Variants in SULF1 observed in about 807,000 individuals in gnomAD.
The protein encoded by SULF1 is extracellular sulfatase Sulf-1.
A neutral mutation model predicts 110.5 loss-of-function variants in SULF1; 46 were observed. The observed-to-expected ratio is 0.42, with a 90% CI of 0.33 to 0.53. The LOEUF is 0.53. Among genes scored for constraint, SULF1 ranks in the 20% least tolerant of loss-of-function variants. The probability of loss-of-function intolerance (pLI) is 0.12; values close to 1 mark genes in which losing one functional copy is unlikely to be tolerated. For missense variants in SULF1, 941 were observed against 1,094.2 expected (o/e 0.86, Z 1.98); for synonymous variants, 371 against 387.1 (o/e 0.96, Z 0.49).
upstream of SULF1, among the ~76,000 whole-genome samples, chr8:69,489,504 T>TA (rs937093124): frequency 6.3e-4 from 87 of 138,880 alleles, no homozygotes; most frequent in South Asian, 1.4e-3. Flanking sequence ...GCCAGAGGGC[T>TA]AAAAAAAAAA....
Position 69,581,838 on chromosome 8 carries a change from G to T in SULF1, c.413-4519G>T, listed in dbSNP as rs563227270. Among the ~76,000 whole-genome samples, 12 of 152,250 alleles carry T rather than the reference G, an allele frequency of 7.9e-5. No homozygotes were observed. The South Asian group carries it at 1.2e-3, about 16-fold the overall frequency. ...CTCAATGTCATGAGGCAACAAAAAGGCCAGAGCAACTGGAGGCCAACAGTG... is the reference window on the plus strand; with the variant it reads ...CTCAATGTCATGAGGCAACAAAAAGTCCAGAGCAACTGGAGGCCAACAGTG... On this transcript the variant is annotated intron_variant, in intron 6 of 22. Coordinates refer to ENST00000402687, the MANE Select transcript of SULF1 (RefSeq NM_001128205.2).
intron 18 of SULF1, among the ~76,000 whole-genome samples, chr8:69,628,973 C>A (rs1414261871): frequency 6.6e-6 from 1 of 152,142 alleles, no homozygotes; most frequent in Non-Finnish European, 1.5e-5. Flanking sequence ...AAATGTTGGT[C>A]CTCTTAGGTT....
intron 5 of SULF1, among the ~76,000 whole-genome samples, chr8:69,567,874 T>C (rs571266981): frequency 2.0e-4 from 31 of 152,172 alleles, no homozygotes; most frequent in African/African-American, 6.8e-4. Context: ...TGCTGGATCA[T>C]ATGATACTCT....
intron 1 of SULF1, among the ~76,000 whole-genome samples, chr8:69,475,755 A>C (rs1398376400): frequency 3.3e-5 from 5 of 152,222 alleles, no homozygotes; most frequent in African/African-American, 1.2e-4. Flanking sequence ...ATCAATGTTT[A>C]ATAATATATG....
chr8:69,607,864 T>A (rs1245417624), intron 13 of SULF1, among the ~76,000 whole-genome samples: 1 of 152,218 alleles, frequency 6.6e-6, no homozygotes, highest in East Asian at 1.9e-4. Flanking sequence ...CTGCTCTCTC[T>A]CGATGTCCCT....
At chr8:69,557,775 A>G (rs1287682289) in intron 3 of SULF1, among the ~76,000 whole-genome samples, 2 of 152,152 alleles carry the variant, frequency 1.3e-5, no homozygotes, top group African/African-American at 4.8e-5. Flanking sequence ...ATTCCTTCCA[A>G]TTTCAAGATT....
chr8:69,503,507 A>G (rs1810956769), intron 3 of SULF1, among the ~76,000 whole-genome samples: 2 of 152,218 alleles, frequency 1.3e-5, no homozygotes, highest in Admixed American at 1.3e-4. Context: ...TGAATAACTA[A>G]TAAGTTCAAT....
At chr8:69,515,123 G>A (rs1811837152) in intron 3 of SULF1, among the ~76,000 whole-genome samples, 1 of 152,144 alleles carries the variant, frequency 6.6e-6, no homozygotes, top group Non-Finnish European at 1.5e-5. Context: ...TTTGTGTGGG[G>A]ACTCCAATCC....
chr8:69,526,676 AGCTACTTGGGAG>A (rs2150628850), intron 3 of SULF1, among the ~76,000 whole-genome samples: 1 of 152,048 alleles, frequency 6.6e-6, no homozygotes, highest in Admixed American at 6.5e-5. Flanking sequence ...CTGTAGTCCC[AGCTACTTGGGAG>A]GCTGAGATGG....
intron 6 of SULF1, among the ~76,000 whole-genome samples, chr8:69,579,160 C>CAAA (rs1179542392): frequency 2.8e-4 from 15 of 52,688 alleles, no homozygotes; most frequent in African/African-American, 7.8e-4. Flanking sequence ...GACTCTGTCT[C>CAAA]AAAAAAAAAA....
chr8:69,586,269 T>C lies in SULF1; in HGVS notation c.413-88T>C. On this transcript the variant is annotated intron_variant, in intron 6 of 22. Coordinates refer to ENST00000402687, the MANE Select transcript of SULF1 (RefSeq NM_001128205.2). ...CTAGGGCAACTTTTGTTTTACCGTC[T>C]CTTTTTCAAGTCATAATTTTATACT... The C allele has an allele frequency of 3.6e-6, 5 of 1,380,576 alleles. No individual in the cohort carries two copies. The South Asian group carries it at 7.9e-5, about 22-fold the overall frequency. 85.5% of individuals were successfully genotyped at this position (1,380,576 alleles called of 1,614,324 possible).
rs1414310610 is a variant in SULF1, at chr8:69,601,636, T to A, written c.886-18T>A. On this transcript the variant is annotated intron_variant, in intron 9 of 22. Coordinates refer to ENST00000402687, the MANE Select transcript of SULF1 (RefSeq NM_001128205.2). ...ACCAGCACAATTGATTCTGACTTGT[T>A]CCTTTGCTGTATTTCAGCTGTATAA... 3 of 1,590,184 alleles carry A rather than the reference T, an allele frequency of 1.9e-6. No individual in the cohort carries two copies. The highest frequency in any genetic ancestry group is 2.6e-6 in the Non-Finnish European group (3 of 1,166,112).
intron 3 of SULF1, among the ~76,000 whole-genome samples, chr8:69,522,747 G>A (rs1812394583): frequency 6.6e-6 from 1 of 152,176 alleles, no homozygotes; most frequent in African/African-American, 2.4e-5. Flanking sequence ...AATGAAGACA[G>A]TGTTTCAAGG....
Position 69,604,867 on chromosome 8 carries a change from T to C in SULF1, c.1312T>C (p.Tyr438His), listed in dbSNP as rs546932890. 1 of 1,614,152 alleles carries C rather than the reference T, an allele frequency of 6.2e-7. No individual in the cohort carries two copies. The highest frequency in any genetic ancestry group is 1.7e-5 in the Admixed American group (1 of 60,028). The change falls in exon 13 of 23, where the codon TAT becomes CAT. Residue 438 changes from tyrosine to histidine, a missense_variant. By Grantham distance (83) the Tyr-to-His change is moderately conservative (BLOSUM62 2). Around this residue, in one of 3 missense-constraint regions of SULF1, gnomAD observed 822 missense variants for 934.3 expected, o/e 0.88. Coordinates refer to ENST00000402687, the MANE Select transcript of SULF1 (RefSeq NM_001128205.2). ...CCAACAGTCAAATCACTTGCCCAAA[T>C]ATGAACGGGTCAAAGAACTATGCCA... ...NIQQSNHLPKYERVKELCQQA... is the reference protein window; with the variant it reads ...NIQQSNHLPKHERVKELCQQA...
At chr8:69,642,725 G>T (rs540017912) in intron 22 of SULF1, among the ~76,000 whole-genome samples, 1 of 152,320 alleles carries the variant, frequency 6.6e-6, no homozygotes, top group African/African-American at 2.4e-5. Flanking sequence ...AGAGATAAAA[G>T]GGTGTTCACA....
chr8:69,626,277 C>G (rs1810019246), intron 15 of SULF1, among the ~76,000 whole-genome samples: 1 of 150,494 alleles, frequency 6.6e-6, no homozygotes, highest in Non-Finnish European at 1.5e-5. Flanking sequence ...CGAGGCCCCA[C>G]CAGAGCAGCT....
At chr8:69,592,990 G>T in intron 8 of SULF1, 1 of 986,346 alleles carries the variant, frequency 1.0e-6, no homozygotes, top group Non-Finnish European at 1.2e-6. Context: ...ATGGGTAAGT[G>T]CCAGTTTGGA....
intron 6 of SULF1, 21 bp downstream of exon 6, chr8:69,576,230 C>T (rs1296819713): frequency 1.2e-6 from 2 of 1,607,546 alleles, no homozygotes; most frequent in East Asian, 2.2e-5. Flanking sequence ...ACGTTTCTAG[C>T]CCATGAACGT....
chr8:69,522,037 A>G (rs1302386922), intron 3 of SULF1, among the ~76,000 whole-genome samples: 1 of 151,376 alleles, frequency 6.6e-6, no homozygotes, highest in Non-Finnish European at 1.5e-5. Context: ...AGGGAGAGAG[A>G]GAGATGGATC....
Sources: allele counts gnomAD v4.1 joint callset (sites outside exome capture counted in the v4.1 genomes callset), GRCh38; gene constraint gnomAD v4.1.1; regional missense constraint gnomAD v4.1.1; transcripts MANE v1.5; gene names NCBI Gene and HGNC (gene_info 2026-07-23, HGNC 2026-07-21).